Variants in EML4 observed in about 807,000 individuals in gnomAD.
The protein encoded by EML4 is echinoderm microtubule-associated protein-like 4.
In EML4, 72 loss-of-function variants were observed where a neutral mutation model predicts 129.0. The observed-to-expected ratio is 0.56, with a 90% CI of 0.46 to 0.68. The LOEUF is 0.68. Among genes scored for constraint, EML4 ranks in the 30% least tolerant of loss-of-function variants. The pLI is 0.00. For synonymous variants in EML4, 532 were observed against 405.0 expected (o/e 1.31, Z -3.77); for missense variants, 1,363 against 1,190.6 (o/e 1.14, Z -2.13).
At chr2:42,258,549 C>T (rs1002914813) in intron 3 of EML4, among the ~76,000 whole-genome samples, 7 of 152,004 alleles carry the variant, frequency 4.6e-5, no homozygotes, top group Non-Finnish European at 8.8e-5. Context: ...TACAGGCATG[C>T]GCCACCACAC....
chr2:42,237,796 G>A (rs181465613), intron 1 of EML4, among the ~76,000 whole-genome samples: 125 of 152,264 alleles, frequency 8.2e-4, no homozygotes, highest in African/African-American at 2.7e-3. Context: ...AAAATGGATC[G>A]TCATAAGACC....
At chr2:42,194,115 TATAA>T (rs1428460743) in intron 1 of EML4, among the ~76,000 whole-genome samples, 2 of 152,206 alleles carry the variant, frequency 1.3e-5, no homozygotes, top group Non-Finnish European at 2.9e-5. Context: ...TTATAGCCTA[TATAA>T]ATATACACAA....
chr2:42,239,523 G>A (rs1340256526), intron 1 of EML4, among the ~76,000 whole-genome samples: 3 of 152,122 alleles, frequency 2.0e-5, no homozygotes, highest in African/African-American at 4.8e-5. Flanking sequence ...GACTCATGCC[G>A]GTAAATAGAT....
intron 22 of EML4, among the ~76,000 whole-genome samples, chr2:42,329,466 G>A (rs2103848659): frequency 6.6e-6 from 1 of 152,254 alleles, no homozygotes; most frequent in East Asian, 1.9e-4. Context: ...CCAACATCTA[G>A]AAGAGACAGA....
chr2:42,177,618 G>A (rs563339726), intron 1 of EML4, among the ~76,000 whole-genome samples: 8 of 152,224 alleles, frequency 5.3e-5, no homozygotes, highest in East Asian at 1.9e-4. Context: ...GCGAGACCCC[G>A]TCTCAAACAA....
intron 9 of EML4, chr2:42,286,016 T>A (rs1278499184): frequency 1.9e-6 from 1 of 522,014 alleles, no homozygotes; most frequent in Non-Finnish European, 3.5e-6. Context: ...TAGGATTAAA[T>A]GAATTAATAT....
intron 1 of EML4, among the ~76,000 whole-genome samples, chr2:42,192,541 A>G (rs868624551): frequency 1.3e-4 from 20 of 152,094 alleles, no homozygotes; most frequent in South Asian, 8.3e-4. Context: ...TGCCCAGCCT[A>G]CTGTTTTCTT....
chr2:42,278,019 A>T (rs1413447504), intron 6 of EML4, among the ~76,000 whole-genome samples: 1 of 152,208 alleles, frequency 6.6e-6, no homozygotes, highest in Non-Finnish European at 1.5e-5. Context: ...AGAGATCCTA[A>T]GGTTGTATCA....
At chr2:42,215,495 G>A (rs1673132002) in intron 1 of EML4, among the ~76,000 whole-genome samples, 2 of 151,844 alleles carry the variant, frequency 1.3e-5, no homozygotes, top group Admixed American at 6.6e-5. Flanking sequence ...CTTGAAGTGT[G>A]TTGGCCTCAG....
chr2:42,172,477 ATTATG>A (rs2103785008), intron 1 of EML4, among the ~76,000 whole-genome samples: 1 of 152,292 alleles, frequency 6.6e-6, no homozygotes, highest in African/African-American at 2.4e-5. Flanking sequence ...CATGGTACTG[ATTATG>A]TTATCTTTGT....
chr2:42,239,904 T>G (rs1674910098), intron 1 of EML4, among the ~76,000 whole-genome samples: 1 of 152,048 alleles, frequency 6.6e-6, no homozygotes, highest in Admixed American at 6.6e-5. Context: ...TGGGGGCATC[T>G]TAGAGATTGG....
chr2:42,189,010 C>G (rs1451674693), intron 1 of EML4, among the ~76,000 whole-genome samples: 1 of 152,078 alleles, frequency 6.6e-6, no homozygotes, highest in Non-Finnish European at 1.5e-5. Context: ...CCAGTTATCC[C>G]ACTTACAGCT....
Position 42,284,977 on chromosome 2 carries a change from TATATAAAATAAC to T in EML4, c.1011+282_1011+293del, listed in dbSNP as rs557735652. 1.2e-4 allele frequency among the ~76,000 whole-genome samples: 18 copies of T among 152,332 alleles called. No homozygotes were observed. In the East Asian group the frequency reaches 3.5e-3, roughly 29 times the overall value. ...ACTGATACGCTCGTTACATTTTCTT[TATATAAAATAAC>T]ATATAAAGTAACCAGTGTCTGCGGG... is the stretch of plus-strand genomic sequence containing the variant. On this transcript the variant is annotated intron_variant, in intron 9 of 22. Transcript: ENST00000318522.
At chr2:42,175,895 A>G (rs1670574125) in intron 1 of EML4, among the ~76,000 whole-genome samples, 1 of 152,156 alleles carries the variant, frequency 6.6e-6, no homozygotes, top group South Asian at 2.1e-4. Context: ...TTAACATGTT[A>G]ATGTACTTGT....
chr2:42,306,524 G>A (rs932877898), intron 17 of EML4, among the ~76,000 whole-genome samples: 24 of 76,220 alleles, frequency 3.1e-4, no homozygotes, highest in Admixed American at 1.8e-4. Flanking sequence ...ATAGAGTCTC[G>A]CTCTGTCACC....
intron 6 of EML4, among the ~76,000 whole-genome samples, chr2:42,276,572 C>G (rs1666670317): frequency 6.6e-6 from 1 of 152,162 alleles, no homozygotes; most frequent in Non-Finnish European, 1.5e-5. Context: ...AAATCATAAA[C>G]AATTGCTAAA....
chr2:42,218,028 C>T (rs928611480), intron 1 of EML4, among the ~76,000 whole-genome samples: 3 of 152,080 alleles, frequency 2.0e-5, no homozygotes, highest in African/African-American at 7.2e-5. Context: ...CAGGGGTCCC[C>T]AACCCTCCGG....
chr2:42,233,779 A>G (rs923449591), intron 1 of EML4, among the ~76,000 whole-genome samples: 2 of 152,240 alleles, frequency 1.3e-5, no homozygotes, highest in Non-Finnish European at 2.9e-5. Flanking sequence ...AAAAGTGATA[A>G]TTCCTTTAGT....
intron 14 of EML4, among the ~76,000 whole-genome samples, chr2:42,301,740 ATCT>A (rs1668297821): frequency 6.6e-6 from 1 of 152,028 alleles, no homozygotes; most frequent in Non-Finnish European, 1.5e-5. Context: ...TCCAGAGAAA[ATCT>A]TCTGGAAAAT....
Sources: allele counts gnomAD v4.1 joint callset (sites outside exome capture counted in the v4.1 genomes callset), GRCh38; gene constraint gnomAD v4.1.1; transcripts MANE v1.5; gene names NCBI Gene and HGNC (gene_info 2026-07-23, HGNC 2026-07-21).